Variants in CFAP44 observed in about 807,000 individuals in gnomAD.
CFAP44 encodes cilia- and flagella-associated protein 44.
A neutral mutation model predicts 216.2 loss-of-function variants in CFAP44; 134 were observed. That is an observed-to-expected ratio of 0.62 (90% CI 0.54 to 0.72). CFAP44 has a LOEUF of 0.72. CFAP44 is among the 30% of genes least tolerant of loss of function. CFAP44 has a pLI of 0.00. For synonymous variants in CFAP44, 700 were observed against 727.6 expected (o/e 0.96, Z 0.61); for missense variants, 2,035 against 2,182.1 (o/e 0.93, Z 1.34).
rs1949798206 is a variant in CFAP44, at chr3:113,288,591, GC to G, written c.*2965del. On this transcript the variant is annotated 3_prime_UTR_variant, in exon 35 of 35. Coordinates refer to ENST00000393845, the MANE Select transcript of CFAP44 (RefSeq NM_001164496.2). ...AATCTGAGCTGTAACTCACCTTCTAGCCCCACTGGTTTTTACATTTTTTCCT... is the reference window on the plus strand; with the variant it reads ...AATCTGAGCTGTAACTCACCTTCTAGCCCACTGGTTTTTACATTTTTTCCT... The G allele has an allele frequency of 6.6e-6, 1 of 152,168 alleles. No homozygotes were observed. The highest frequency in any genetic ancestry group is 6.5e-5 in the Admixed American group (1 of 15,282). 9.4% of individuals were successfully genotyped at this position (152,168 alleles called of 1,614,324 possible).
At chr3:113,357,118 AG>A (rs1222342005) in intron 22 of CFAP44, among the ~76,000 whole-genome samples, 2 of 152,184 alleles carry the variant, frequency 1.3e-5, no homozygotes, top group African/African-American at 4.8e-5. Context: ...ATATATGAAA[AG>A]GGACTGAAAA....
chr3:113,396,836 T>TG lies in CFAP44; in HGVS notation c.1570-110dup, dbSNP rs1934005670. On this transcript the variant is annotated intron_variant, in intron 13 of 34. Coordinates refer to ENST00000393845, the MANE Select transcript of CFAP44 (RefSeq NM_001164496.2). Reference sequence around the variant, plus strand: ...AGGTAATTTAATATTGGCTGCCCATTGGCAATTCTTTATATCACTTTCTGG... The same window carrying TG: ...AGGTAATTTAATATTGGCTGCCCATTGGGCAATTCTTTATATCACTTTCTGG... 3.6e-6 allele frequency: 4 copies of TG among 1,097,110 alleles called. No individual in the cohort carries two copies. In the South Asian group the frequency reaches 6.4e-5, roughly 18 times the overall value. 68.0% of individuals were successfully genotyped at this position (1,097,110 alleles called of 1,614,324 possible).
At chr3:113,367,845 A>C (rs1362110229) in intron 18 of CFAP44, among the ~76,000 whole-genome samples, 1 of 152,206 alleles carries the variant, frequency 6.6e-6, no homozygotes, top group African/African-American at 2.4e-5. Context: ...CCTTGAAAAA[A>C]AGGTTAGATG....
At chr3:113,377,108 G>T (rs930114039) in intron 17 of CFAP44, among the ~76,000 whole-genome samples, 1 of 152,170 alleles carries the variant, frequency 6.6e-6, no homozygotes, top group African/African-American at 2.4e-5. Context: ...TTTTTTCTGT[G>T]AAATGTGAGA....
At chr3:113,410,532 T>C (rs1236193424) in intron 6 of CFAP44, among the ~76,000 whole-genome samples, 1 of 152,246 alleles carries the variant, frequency 6.6e-6, no homozygotes, top group Non-Finnish European at 1.5e-5. Flanking sequence ...CACATTTTCT[T>C]AATCCCGTCT....
At chr3:113,412,068 G>T (rs986422653) in intron 6 of CFAP44, among the ~76,000 whole-genome samples, 1 of 152,152 alleles carries the variant, frequency 6.6e-6, no homozygotes, top group Non-Finnish European at 1.5e-5. Context: ...TATTGAATGG[G>T]CAAAAACTGG....
intron 17 of CFAP44, among the ~76,000 whole-genome samples, chr3:113,375,353 C>A (rs1212845572): frequency 6.6e-6 from 1 of 151,998 alleles, no homozygotes; most frequent in Non-Finnish European, 1.5e-5. Context: ...ATGTCTTTTA[C>A]TTCAATAAAA....
chr3:113,418,097 A>T lies in CFAP44; in HGVS notation c.571-1470T>A, dbSNP rs185880665. Among the ~76,000 whole-genome samples, 30 of 124,058 alleles carry T rather than the reference A, an allele frequency of 2.4e-4. No homozygotes were observed. The East Asian group carries it at 6.9e-3, about 29-fold the overall frequency. The allele number at this position is 124,058 out of a possible 152,430, so 81.4% of individuals were successfully genotyped here. A position where few individuals can be genotyped will look rare whatever the true frequency, so the allele number is the denominator to read the frequency against. On this transcript the variant is annotated intron_variant, in intron 5 of 34. Coordinates refer to ENST00000393845, the MANE Select transcript of CFAP44 (RefSeq NM_001164496.2). ...TTATTTATTTATTTATTGAGACACA[A>T]TTTATTTATTGAGACTCTGTCACTC... is the stretch of plus-strand genomic sequence containing the variant.
chr3:113,399,421 A>AG (rs1553760294), intron 13 of CFAP44, among the ~76,000 whole-genome samples: 1 of 151,942 alleles, frequency 6.6e-6, no homozygotes. Context: ...TAGTTCTTAT[A>AG]ATTATCTAAC....
At chr3:113,369,073 C>G (rs1445296344) in intron 18 of CFAP44, among the ~76,000 whole-genome samples, 1 of 152,132 alleles carries the variant, frequency 6.6e-6, no homozygotes, top group Non-Finnish European at 1.5e-5. Flanking sequence ...ACAGGAGCAC[C>G]CAGATTCATA....
intron 15 of CFAP44, among the ~76,000 whole-genome samples, chr3:113,390,300 A>T (rs1035442399): frequency 6.6e-6 from 1 of 152,106 alleles, no homozygotes; most frequent in Non-Finnish European, 1.5e-5. Flanking sequence ...TCAACATCCC[A>T]TCATGACAAA....
chr3:113,403,108 A>C (rs1934185964), intron 9 of CFAP44, among the ~76,000 whole-genome samples: 1 of 151,948 alleles, frequency 6.6e-6, no homozygotes, highest in African/African-American at 2.4e-5. Flanking sequence ...AAAAAAAAGA[A>C]TCTTACTTTT....
At chr3:113,440,466 C>T (rs1169224910) in intron 1 of CFAP44, among the ~76,000 whole-genome samples, 1 of 152,154 alleles carries the variant, frequency 6.6e-6, no homozygotes, top group Non-Finnish European at 1.5e-5. Context: ...TCCTCTCACC[C>T]AATTCATGTA....
chr3:113,299,448 C>T (rs962744742), intron 32 of CFAP44, among the ~76,000 whole-genome samples: 3 of 152,146 alleles, frequency 2.0e-5, no homozygotes, highest in African/African-American at 7.2e-5. Flanking sequence ...AAACGAAACC[C>T]TCATACACGG....
Position 113,409,298 on chromosome 3 carries a change from T to A in CFAP44, c.698A>T (p.Tyr233Phe). Reference sequence around the variant, plus strand: ...GTTACCGCTGTAGTTAAAGTCCACATAAGCATATCCCTTCTCAGTCCCATC... The same window carrying A: ...GTTACCGCTGTAGTTAAAGTCCACAAAAGCATATCCCTTCTCAGTCCCATC... ...LRDGTEKGYA[Y>F]VDFNYSGNLL... Residue 233 changes from tyrosine to phenylalanine, a missense_variant, in exon 7 of 35, where the codon TAT (tyrosine) becomes TTT (phenylalanine). Physicochemically the swap from Tyr to Phe is conservative, Grantham distance 22. Transcript: ENST00000393845. 1 of 1,614,058 alleles carries A rather than the reference T, an allele frequency of 6.2e-7. No homozygotes were observed. Among genetic ancestry groups the A allele is most frequent in the Non-Finnish European group, 8.5e-7 (1 of 1,179,992 alleles).
In CFAP44 at chr3:113,358,971, T is replaced by A. The variant is rs377574633; in HGVS notation, c.2935-96A>T. The stretch of plus-strand genomic sequence containing the variant: ...CCCCAGTTTCATGCTGCATCATAAC[T>A]CTTCCCCAAATATCATAAACTCTGT... On this transcript the variant is annotated intron_variant, in intron 21 of 34. Transcript: ENST00000393845. The A allele has an allele frequency of 6.4e-5, 88 of 1,370,124 alleles. No homozygotes were observed. In the African/African-American group the frequency reaches 1.2e-3, roughly 19 times the overall value. The allele number at this position is 1,370,124 out of a possible 1,614,324, so 84.9% of individuals were successfully genotyped here. A position where few individuals can be genotyped will look rare whatever the true frequency, so the allele number is the denominator to read the frequency against.
chr3:113,301,184 A>G (rs1242384640), intron 32 of CFAP44, among the ~76,000 whole-genome samples: 1 of 152,196 alleles, frequency 6.6e-6, no homozygotes, highest in East Asian at 1.9e-4. Context: ...GCTATATGCT[A>G]TATTACGTCT....
At chr3:113,416,426 GTTTCTCTGGAGAACCTTGACTTAT>G in intron 6 of CFAP44, 75 bp downstream of exon 6, 2 of 925,616 alleles carry the variant, frequency 2.2e-6, no homozygotes, top group Non-Finnish European at 3.4e-6. Context: ...CACTAGTTCT[GTTTCTCTGGAGAACCTTGACTTAT>G]GAAATAATGT....
chr3:113,299,784 T>A (rs995557925), intron 32 of CFAP44, among the ~76,000 whole-genome samples: 2 of 152,164 alleles, frequency 1.3e-5, no homozygotes, highest in African/African-American at 4.8e-5. Context: ...ATCCTAGGGC[T>A]TTCTGAGGCT....
Sources: allele counts gnomAD v4.1 joint callset (sites outside exome capture counted in the v4.1 genomes callset), GRCh38; gene constraint gnomAD v4.1.1; transcripts MANE v1.5; gene names NCBI Gene and HGNC (gene_info 2026-07-23, HGNC 2026-07-21).